Variants in KCTD10 observed in about 807,000 individuals in gnomAD.
KCTD10 encodes the protein BTB/POZ domain-containing adapter for CUL3-mediated RhoA degradation protein 3.
Under a neutral mutation model 34.6 loss-of-function variants are expected in KCTD10, and 13 were observed. The observed-to-expected ratio is 0.38, with a 90% CI of 0.24 to 0.60. The LOEUF (loss-of-function observed/expected upper bound fraction) is 0.60, where lower values mean the gene tolerates loss of function less well. Among genes scored for constraint, KCTD10 ranks in the 20% least tolerant of loss-of-function variants. KCTD10 has a pLI of 0.66. For synonymous variants in KCTD10, 156 were observed against 168.8 expected (o/e 0.92, Z 0.59); for missense variants, 256 against 420.3 (o/e 0.61, Z 3.42).
chr12:109,453,082 A>T (rs1168836102), intron 6 of KCTD10, among the ~76,000 whole-genome samples: 1 of 152,036 alleles, frequency 6.6e-6, no homozygotes, highest in Non-Finnish European at 1.5e-5. Flanking sequence ...TTGTTTTGAG[A>T]GGGAGTGTTG....
At chr12:109,466,349 A>G (rs1184154342) in intron 2 of KCTD10, among the ~76,000 whole-genome samples, 1 of 152,246 alleles carries the variant, frequency 6.6e-6, no homozygotes, top group Non-Finnish European at 1.5e-5. Context: ...CCCTGTGGCA[A>G]GCGCTTTCTC....
intron 5 of KCTD10, chr12:109,456,666 A>C: frequency 2.7e-6 from 1 of 376,014 alleles, no homozygotes; most frequent in Non-Finnish European, 5.1e-6. Context: ...GAGGAGCAGA[A>C]TGGCACTGCC....
chr12:109,457,712 G>A, intron 4 of KCTD10, 30 bp from the exon 5 acceptor site: 2 of 1,610,014 alleles, frequency 1.2e-6, no homozygotes, highest in Non-Finnish European at 1.7e-6. Flanking sequence ...AAGAAGAAGA[G>A]AGTTACTTGG....
rs1872764315 is a variant in KCTD10, at chr12:109,451,536, G to A, written c.*59C>T. 1 of 1,502,670 alleles carries A rather than the reference G, an allele frequency of 6.7e-7. No homozygotes were observed. Among genetic ancestry groups the A allele is most frequent in the African/African-American group, 1.4e-5 (1 of 73,154 alleles). 93.1% of individuals were successfully genotyped at this position (1,502,670 alleles called of 1,614,324 possible). ...GGCCCGGCAGCCTGCACAGGATCTG[G>A]GTGTAGCACGGCAGGGAGTGGGGGC... On this transcript the variant is annotated 3_prime_UTR_variant, in exon 7 of 7. Coordinates refer to ENST00000228495, the MANE Select transcript of KCTD10 (RefSeq NM_031954.5). This position sits in a 1 kb window ranked among gnomAD's most constrained non-coding sequence, Gnocchi z 5.0.
At chr12:109,470,459 T>C in intron 1 of KCTD10, 15 of 985,470 alleles carry the variant, frequency 1.5e-5, no homozygotes, top group Non-Finnish European at 1.8e-5. Context: ...CTCAAAGAAA[T>C]GGATACAGTG....
chr12:109,457,411 TATA>T (rs965538336), intron 5 of KCTD10: 12 of 467,494 alleles, frequency 2.6e-5, no homozygotes, highest in African/African-American at 9.8e-5. Flanking sequence ...ATATTGTGAA[TATA>T]ATAATAACTG....
intron 2 of KCTD10, among the ~76,000 whole-genome samples, chr12:109,461,847 C>A (rs992390289): frequency 6.6e-6 from 1 of 152,248 alleles, no homozygotes; most frequent in Non-Finnish European, 1.5e-5. Flanking sequence ...GCTCCTGCCA[C>A]GCATTACAGG....
At position 109,472,285 on chromosome 12, in the gene KCTD10, CTCT is replaced by C. The variant is rs200382460; in HGVS notation, c.4-2560_4-2558del. Among the ~76,000 whole-genome samples the C allele has an allele frequency of 5.1e-4, 77 of 151,878 alleles. No homozygotes were observed. The East Asian group carries it at 0.014, about 27-fold the overall frequency. Reference sequence around the variant, plus strand: ...ATATCCTTATTCTATAAGCTTTTTTCTCTTTTTTTACTTTTTAAACTTTTTTAT... The same window carrying C: ...ATATCCTTATTCTATAAGCTTTTTTCTTTTTTACTTTTTAAACTTTTTTAT... On this transcript the variant is annotated intron_variant, in intron 1 of 6. Transcript: ENST00000228495.
chr12:109,454,254 C>T (rs562135992), intron 6 of KCTD10, among the ~76,000 whole-genome samples: 37 of 152,212 alleles, frequency 2.4e-4, no homozygotes, highest in Non-Finnish European at 5.3e-4. Context: ...CTATTATTAA[C>T]CTGTTCCAGT....
chr12:109,475,786 A>C (rs1464390409), intron 1 of KCTD10, among the ~76,000 whole-genome samples: 1 of 152,164 alleles, frequency 6.6e-6, no homozygotes, highest in African/African-American at 2.4e-5. Flanking sequence ...CATTTCTACA[A>C]CTCAGAAAAG....
intron 2 of KCTD10, among the ~76,000 whole-genome samples, chr12:109,461,904 C>T (rs1051059291): frequency 6.6e-6 from 1 of 152,190 alleles, no homozygotes; most frequent in Non-Finnish European, 1.5e-5. Flanking sequence ...CAGTAGGAAT[C>T]GGTCACTTTA....
At chr12:109,455,965 G>A (rs1872995807) in intron 6 of KCTD10, among the ~76,000 whole-genome samples, 153 bp downstream of exon 6, 1 of 152,162 alleles carries the variant, frequency 6.6e-6, no homozygotes, top group African/African-American at 2.4e-5. Flanking sequence ...CTCCTTGCAG[G>A]GCCTAAAAGA....
At chr12:109,457,886 G>A (rs1330176522) in intron 4 of KCTD10, 106 bp downstream of exon 4, 3 of 1,088,428 alleles carry the variant, frequency 2.8e-6, no homozygotes, top group Non-Finnish European at 4.2e-6. Flanking sequence ...CCCATTATCA[G>A]GCCTCACTCA....
At chr12:109,471,691 A>C (rs1873893751) in intron 1 of KCTD10, among the ~76,000 whole-genome samples, 1 of 152,144 alleles carries the variant, frequency 6.6e-6, no homozygotes, top group Non-Finnish European at 1.5e-5. Context: ...GTTTCCAAAA[A>C]CTGTGAAGAC....
chr12:109,457,737 G>T, intron 4 of KCTD10, 55 bp from the exon 5 acceptor site: 2 of 1,553,654 alleles, frequency 1.3e-6, no homozygotes, highest in South Asian at 1.1e-5. Flanking sequence ...CAGATGCAAT[G>T]AACTACTAGC....
chr12:109,475,307 CA>C (rs1566060861), intron 1 of KCTD10, among the ~76,000 whole-genome samples: 1 of 151,196 alleles, frequency 6.6e-6, no homozygotes, highest in East Asian at 1.9e-4. Context: ...CTAATCTCCA[CA>C]AAAAAATTAA....
intron 1 of KCTD10, among the ~76,000 whole-genome samples, chr12:109,476,674 C>T (rs1313489662): frequency 5.9e-5 from 9 of 152,078 alleles, no homozygotes; most frequent in Admixed American, 5.2e-4. Flanking sequence ...ACTGAACGCA[C>T]ATCAGCCTGC....
At chr12:109,463,359 G>C (rs1156422309) in intron 2 of KCTD10, among the ~76,000 whole-genome samples, 1 of 152,194 alleles carries the variant, frequency 6.6e-6, no homozygotes, top group Non-Finnish European at 1.5e-5. Flanking sequence ...ATAAGGGCAA[G>C]GGAGCCAGGC....
chr12:109,460,028 G>A lies in KCTD10; in HGVS notation c.387+608C>T, dbSNP rs549953561. Among the ~76,000 whole-genome samples the A allele has an allele frequency of 3.0e-4, 46 of 152,348 alleles. No individual in the cohort carries two copies. Among genetic ancestry groups the A allele is most frequent in the South Asian group, 1.7e-3 (8 of 4,828 alleles). On this transcript the variant is annotated intron_variant, in intron 3 of 6. Transcript: ENST00000228495. The surrounding 1 kb of genome is among the most constrained non-coding windows in gnomAD (Gnocchi z 4.5). The stretch of plus-strand genomic sequence containing the variant: ...TGTGCAGCATTATGGGTACTGGTCC[G>A]GTGCGGGGCCAGACACAGACATGTG...
Sources: allele counts gnomAD v4.1 joint callset (sites outside exome capture counted in the v4.1 genomes callset), GRCh38; gene constraint gnomAD v4.1.1; non-coding constraint Gnocchi (gnomAD v3.1); transcripts MANE v1.5; gene names NCBI Gene and HGNC (gene_info 2026-07-23, HGNC 2026-07-21).